The following CNTNAP5 variants were observed in gnomAD, a reference collection of about 807,000 sequenced individuals.
CNTNAP5 encodes contactin associated protein family member 5, also known as contactin-associated protein-like 5.
Under a neutral mutation model 150.2 loss-of-function variants are expected in CNTNAP5, and 72 were observed. That is an observed-to-expected ratio of 0.48 (90% CI 0.40 to 0.58). The LOEUF is 0.58. Among genes scored for constraint, CNTNAP5 ranks in the 20% least tolerant of loss-of-function variants. The pLI is 0.00. For synonymous variants in CNTNAP5, 672 were observed against 619.8 expected (o/e 1.08, Z -1.25); for missense variants, 1,636 against 1,626.2 (o/e 1.01, Z -0.10).
chr2:124,787,316 A>C (rs554220930), intron 17 of CNTNAP5, among the ~76,000 whole-genome samples: 19 of 152,334 alleles, frequency 1.2e-4, no homozygotes, highest in Admixed American at 5.9e-4. Flanking sequence ...GAAAGAAATA[A>C]TGAACCTTCC....
chr2:124,856,303 G>A (rs368241425), intron 19 of CNTNAP5, among the ~76,000 whole-genome samples: 2 of 152,110 alleles, frequency 1.3e-5, no homozygotes, highest in African/African-American at 4.8e-5. Context: ...ATAAACATGC[G>A]TGTGCAAGTA....
intron 12 of CNTNAP5, among the ~76,000 whole-genome samples, chr2:124,625,635 C>T (rs1476167730): frequency 6.6e-6 from 1 of 152,188 alleles, no homozygotes; most frequent in Non-Finnish European, 1.5e-5. Flanking sequence ...AATCGCTGCT[C>T]TTCTAAGCAC....
chr2:124,627,875 G>T (rs895712041), intron 12 of CNTNAP5, among the ~76,000 whole-genome samples: 3 of 152,202 alleles, frequency 2.0e-5, no homozygotes, highest in Non-Finnish European at 4.4e-5. Context: ...GAACATAAAT[G>T]ACCTGATGGA....
chr2:124,656,310 T>C (rs1678457259), intron 13 of CNTNAP5, among the ~76,000 whole-genome samples: 1 of 152,180 alleles, frequency 6.6e-6, no homozygotes, highest in African/African-American at 2.4e-5. Flanking sequence ...CAGTTATAAT[T>C]CATGTTGGAA....
At chr2:124,396,914 T>A (rs1691262515) in intron 3 of CNTNAP5, among the ~76,000 whole-genome samples, 1 of 152,220 alleles carries the variant, frequency 6.6e-6, no homozygotes, top group Non-Finnish European at 1.5e-5. Context: ...TGTCTTGAAC[T>A]ATGACAATCT....
intron 3 of CNTNAP5, among the ~76,000 whole-genome samples, chr2:124,372,877 A>G (rs1690563568): frequency 6.6e-6 from 1 of 152,278 alleles, no homozygotes; most frequent in African/African-American, 2.4e-5. Flanking sequence ...AGAATCTTGA[A>G]GAAAAAGGAA....
intron 1 of CNTNAP5, among the ~76,000 whole-genome samples, chr2:124,114,557 C>T (rs116050090): frequency 1.8e-3 from 268 of 151,884 alleles, no homozygotes; most frequent in Non-Finnish European, 2.8e-3. Context: ...ATCAAACCAT[C>T]CATGATTAAT....
intron 3 of CNTNAP5, among the ~76,000 whole-genome samples, chr2:124,372,494 T>G (rs1171602366): frequency 6.6e-6 from 1 of 152,122 alleles, no homozygotes; most frequent in Non-Finnish European, 1.5e-5. Context: ...TATATCTTAC[T>G]GTTGAAGGTA....
chr2:124,116,800 C>T (rs1683440361), intron 1 of CNTNAP5, among the ~76,000 whole-genome samples: 1 of 152,188 alleles, frequency 6.6e-6, no homozygotes, highest in African/African-American at 2.4e-5. Flanking sequence ...TGTGACATTC[C>T]TCCTACATCA....
At chr2:124,768,327 A>T (rs1681113380) in intron 16 of CNTNAP5, among the ~76,000 whole-genome samples, 1 of 145,906 alleles carries the variant, frequency 6.9e-6, no homozygotes, top group African/African-American at 2.5e-5. Context: ...ATGTTTATGT[A>T]TATATTTACT....
intron 7 of CNTNAP5, among the ~76,000 whole-genome samples, chr2:124,475,937 T>C (rs1693629352): frequency 6.6e-6 from 1 of 152,112 alleles, no homozygotes. Flanking sequence ...TTCCTGGGTT[T>C]TTAAAAATTC....
At chr2:124,605,100 A>G (rs1212198107) in intron 11 of CNTNAP5, among the ~76,000 whole-genome samples, 1 of 151,812 alleles carries the variant, frequency 6.6e-6, no homozygotes, top group Non-Finnish European at 1.5e-5. Context: ...TACCATGTAA[A>G]CTCCCCTGCT....
At chr2:124,426,961 A>C (rs565794283) in intron 4 of CNTNAP5, among the ~76,000 whole-genome samples, 23 of 152,312 alleles carry the variant, frequency 1.5e-4, no homozygotes, top group African/African-American at 5.5e-4. Flanking sequence ...ACTCTGGAGC[A>C]TGATTGGCCT....
At position 124,916,634 on chromosome 2, in the gene CNTNAP5, A is replaced by AG. The variant is rs1678774633; in HGVS notation, c.*2347dup. ...TGGAGACTAGCAAAGGCTAACTCAG[A>AG]GTATTTGATTTTCTCATCTAAGTAT... On this transcript the variant is annotated 3_prime_UTR_variant, in exon 24 of 24. Coordinates refer to ENST00000682447, the MANE Select transcript of CNTNAP5 (RefSeq NM_001367498.1). Among the ~76,000 whole-genome samples the AG allele has an allele frequency of 6.6e-6, 1 of 152,072 alleles. No homozygotes were observed. Among genetic ancestry groups the AG allele is most frequent in the Admixed American group, 6.6e-5 (1 of 15,232 alleles).
At chr2:124,898,964 C>T (rs888273682) in intron 21 of CNTNAP5, among the ~76,000 whole-genome samples, 5 of 151,354 alleles carry the variant, frequency 3.3e-5, no homozygotes, top group Non-Finnish European at 7.4e-5. Context: ...TTCAAGGGAC[C>T]TATTGTGCAT....
intron 1 of CNTNAP5, among the ~76,000 whole-genome samples, chr2:124,151,487 T>G (rs761032518): frequency 1.3e-5 from 2 of 152,216 alleles, no homozygotes; most frequent in South Asian, 2.1e-4. Flanking sequence ...ACTTACCAGT[T>G]GTGTGATTTT....
intron 13 of CNTNAP5, among the ~76,000 whole-genome samples, chr2:124,649,817 C>T (rs561687833): frequency 1.3e-5 from 2 of 152,278 alleles, no homozygotes; most frequent in South Asian, 4.1e-4. Flanking sequence ...TTGTGCTATG[C>T]CTGGTACATA....
chr2:124,626,118 A>G (rs1397899617), intron 12 of CNTNAP5, among the ~76,000 whole-genome samples: 2 of 152,166 alleles, frequency 1.3e-5, no homozygotes, highest in African/African-American at 4.8e-5. Flanking sequence ...TTCAGAGCCA[A>G]CATCATAGAA....
At chr2:124,071,051 A>G (rs1232920794) in intron 1 of CNTNAP5, among the ~76,000 whole-genome samples, 2 of 151,992 alleles carry the variant, frequency 1.3e-5, no homozygotes, top group African/African-American at 2.4e-5. Context: ...TTTGAAAACT[A>G]TACAAACACA....
Sources: allele counts gnomAD v4.1 joint callset (sites outside exome capture counted in the v4.1 genomes callset), GRCh38; gene constraint gnomAD v4.1.1; transcripts MANE v1.5; gene names NCBI Gene and HGNC (gene_info 2026-07-23, HGNC 2026-07-21).